Variants in HELZ observed in about 807,000 individuals in gnomAD.
HELZ encodes the protein ATP-dependent RNA helicase with zinc finger domain.
A neutral mutation model predicts 218.2 loss-of-function variants in HELZ; 23 were observed. The ratio of observed to expected loss-of-function variants is 0.11; its 90% CI spans 0.08 to 0.15. HELZ has a LOEUF of 0.15. Among genes scored for constraint, HELZ ranks in the 10% least tolerant of loss-of-function variants. The pLI, the probability that HELZ is intolerant of heterozygous loss-of-function variation, is 1.00. For missense variants in HELZ, 1,813 were observed against 2,353.7 expected (o/e 0.77, Z 4.75); for synonymous variants, 814 against 829.4 (o/e 0.98, Z 0.32).
chr17:67,143,381 G>A (rs1567837325), intron 21 of HELZ, among the ~76,000 whole-genome samples: 1 of 152,128 alleles, frequency 6.6e-6, no homozygotes, highest in African/African-American at 2.4e-5. Context: ...GCCGAGGTGA[G>A]AGGATCGCTT....
intron 17 of HELZ, among the ~76,000 whole-genome samples, chr17:67,155,635 G>C (rs1165919522): frequency 6.6e-6 from 1 of 152,060 alleles, no homozygotes; most frequent in African/African-American, 2.4e-5. Context: ...CCAGGAGTTC[G>C]AGGCCAGCCT....
At chr17:67,137,233 C>T (rs2038181771) in intron 22 of HELZ, among the ~76,000 whole-genome samples, 1 of 152,166 alleles carries the variant, frequency 6.6e-6, no homozygotes, top group Non-Finnish European at 1.5e-5. Flanking sequence ...CTTCTCCTCT[C>T]CAGGCCAAAC....
At chr17:67,129,472 T>C (rs956600250) in intron 23 of HELZ, among the ~76,000 whole-genome samples, 1 of 152,102 alleles carries the variant, frequency 6.6e-6, no homozygotes, top group African/African-American at 2.4e-5. Flanking sequence ...TAGTGTTAGA[T>C]GACTAAGAAA....
chr17:67,238,472 A>C (rs764959358), intron 3 of HELZ, among the ~76,000 whole-genome samples: 2 of 151,980 alleles, frequency 1.3e-5, no homozygotes, highest in Non-Finnish European at 2.9e-5. Context: ...ACCTGAGGTC[A>C]GGGGTTTGAG....
intron 3 of HELZ, among the ~76,000 whole-genome samples, chr17:67,234,458 G>A (rs146688585): frequency 3.0e-4 from 45 of 151,054 alleles, no homozygotes; most frequent in African/African-American, 1.1e-3. Context: ...GGTTCTCATC[G>A]CCCTCACTTA....
At chr17:67,170,116 G>T (rs2039264617) in intron 13 of HELZ, among the ~76,000 whole-genome samples, 1 of 152,176 alleles carries the variant, frequency 6.6e-6, no homozygotes, top group African/African-American at 2.4e-5. Context: ...CTCACAGATT[G>T]AAAGTCTTAT....
chr17:67,213,059 GT>G (rs1448162316), intron 5 of HELZ, among the ~76,000 whole-genome samples: 1 of 152,144 alleles, frequency 6.6e-6, no homozygotes, highest in African/African-American at 2.4e-5. Flanking sequence ...TGCAACATTT[GT>G]CCATATGCTC....
intron 26 of HELZ, among the ~76,000 whole-genome samples, chr17:67,121,576 G>A (rs2037612088): frequency 1.3e-5 from 2 of 152,154 alleles, no homozygotes; most frequent in Admixed American, 1.3e-4. Flanking sequence ...TCTGGAGTGT[G>A]GGCAAGGTTG....
intron 6 of HELZ, 80 bp from the exon 7 acceptor site, chr17:67,201,265 T>C: frequency 1.2e-6 from 1 of 859,448 alleles, no homozygotes; most frequent in East Asian, 2.4e-5. Flanking sequence ...ATTCCTCTGT[T>C]GTTTCTGAGT....
At chr17:67,100,142 A>G (rs1434218774) in intron 31 of HELZ, among the ~76,000 whole-genome samples, 1 of 152,226 alleles carries the variant, frequency 6.6e-6, no homozygotes, top group East Asian at 1.9e-4. Flanking sequence ...ATACATCTGT[A>G]CAATACTTTC....
chr17:67,162,946 C>T (rs189047641), intron 15 of HELZ, among the ~76,000 whole-genome samples: 1 of 152,260 alleles, frequency 6.6e-6, no homozygotes, highest in East Asian at 1.9e-4. Context: ...CCCTGGACCA[C>T]ATATCTCTAG....
At chr17:67,123,821 G>GTGTGTA in intron 25 of HELZ, 142 bp downstream of exon 25, 1 of 661,396 alleles carries the variant, frequency 1.5e-6, no homozygotes. Context: ...GTGACTGTGT[G>GTGTGTA]TGTGTGTGTG....
chr17:67,126,659 G>A (rs989836660), intron 24 of HELZ, among the ~76,000 whole-genome samples: 23 of 150,192 alleles, frequency 1.5e-4, no homozygotes, highest in African/African-American at 2.4e-5. Context: ...GACCAGCCTG[G>A]CCAACGTGAT....
chr17:67,081,663 T>C (rs2036193090), intron 32 of HELZ, among the ~76,000 whole-genome samples: 1 of 151,940 alleles, frequency 6.6e-6, no homozygotes, highest in Non-Finnish European at 1.5e-5. Context: ...TGCTTCTTGA[T>C]GGCCCTGTGG....
At chr17:67,115,294 T>C (rs28601749) in intron 27 of HELZ, among the ~76,000 whole-genome samples, 45,571 of 151,830 alleles carry the variant, frequency 0.3, 7,942 homozygotes, top group East Asian at 0.69. Flanking sequence ...TTAAAAAAAT[T>C]AGCACCCATA....
intron 7 of HELZ, chr17:67,200,849 C>A: frequency 2.9e-6 from 1 of 347,326 alleles, no homozygotes; most frequent in Non-Finnish European, 5.2e-6. Flanking sequence ...CAATCATCTT[C>A]CCATTTGTTG....
chr17:67,184,473 A>G (rs1423516566), intron 12 of HELZ, among the ~76,000 whole-genome samples: 1 of 152,056 alleles, frequency 6.6e-6, no homozygotes, highest in Non-Finnish European at 1.5e-5. Context: ...TGCAATAAAT[A>G]TTTCCCACTG....
intron 9 of HELZ, 143 bp from the exon 10 acceptor site, chr17:67,190,498 A>C: frequency 1.6e-6 from 1 of 629,342 alleles, no homozygotes; most frequent in Non-Finnish European, 2.8e-6. Flanking sequence ...GTCTTGTACA[A>C]AGGAGGGAGA....
At chr17:67,088,684 C>T (rs1327385957) in intron 31 of HELZ, among the ~76,000 whole-genome samples, 2 of 152,156 alleles carry the variant, frequency 1.3e-5, no homozygotes, top group South Asian at 4.1e-4. Context: ...TGGTTAATTT[C>T]TTTTTTCATA....
Sources: gnomAD v4.1 joint callset for allele counts (sites outside exome capture counted in the v4.1 genomes callset) on GRCh38, gnomAD v4.1.1 for gene constraint, MANE v1.5 for transcripts, NCBI Gene and HGNC (gene_info 2026-07-23, HGNC 2026-07-21) for gene names.